Variants in NNMT observed in about 807,000 individuals in gnomAD.
NNMT encodes nicotinamide N-methyltransferase.
NNMT carries 10 observed loss-of-function variants against 11.7 expected under a neutral mutation model. The ratio of observed to expected loss-of-function variants is 0.85; its 90% confidence interval spans 0.53 to 1.45. The LOEUF is 1.45. Among genes scored for constraint, NNMT ranks in the 40% most tolerant of loss-of-function variants. The pLI is 0.00. For missense variants in NNMT, 381 were observed against 319.4 expected (o/e 1.19, Z -1.47); for synonymous variants, 143 against 133.8 (o/e 1.07, Z -0.48).
At chr11:114,259,711 A>T (rs942799229) in intron 1 of NNMT, among the ~76,000 whole-genome samples, 5 of 151,650 alleles carry the variant, frequency 3.3e-5, no homozygotes, top group African/African-American at 1.2e-4. Context: ...GAACTCGCTC[A>T]TTTAAACCTG....
chr11:114,283,508 A>T (rs1945276643), intron 2 of NNMT, among the ~76,000 whole-genome samples: 1 of 152,226 alleles, frequency 6.6e-6, no homozygotes, highest in African/African-American at 2.4e-5. Flanking sequence ...GAGAGTGGAA[A>T]ATAAAAGGGG....
intron 2 of NNMT, among the ~76,000 whole-genome samples, chr11:114,279,821 G>A (rs1282512038): frequency 1.3e-5 from 2 of 152,224 alleles, no homozygotes; most frequent in Non-Finnish European, 2.9e-5. Flanking sequence ...GCAGTTTATA[G>A]GAGGTGAGAG....
chr11:114,268,793 T>G (rs61904708), intron 2 of NNMT, among the ~76,000 whole-genome samples: 10 of 131,272 alleles, frequency 7.6e-5, no homozygotes, highest in Non-Finnish European at 1.4e-4. Context: ...AAAAAAAAAC[T>G]GAAACAGCTG....
intron 2 of NNMT, among the ~76,000 whole-genome samples, chr11:114,284,904 G>A (rs879652060): frequency 6.6e-6 from 1 of 151,570 alleles, no homozygotes; most frequent in African/African-American, 2.4e-5. Context: ...CAAGTAGCTG[G>A]GATTACAGGT....
At chr11:114,262,731 A>C (rs372203679) in intron 1 of NNMT, 3 of 152,336 alleles carry the variant, frequency 2.0e-5, no homozygotes, top group African/African-American at 7.2e-5. Flanking sequence ...CTAGGACTCT[A>C]CTATAGAGCC....
At chr11:114,270,721 T>C (rs1290727323) in intron 2 of NNMT, among the ~76,000 whole-genome samples, 1 of 152,164 alleles carries the variant, frequency 6.6e-6, no homozygotes, top group Non-Finnish European at 1.5e-5. Flanking sequence ...CTGATAAGGA[T>C]AGCAATCCTA....
intron 2 of NNMT, among the ~76,000 whole-genome samples, chr11:114,281,505 T>C (rs1284395385): frequency 1.3e-5 from 2 of 152,054 alleles, no homozygotes; most frequent in Non-Finnish European, 2.9e-5. Context: ...AAGCTGACTA[T>C]TAAAGATAAA....
rs1487969138 is a variant in NNMT, at chr11:114,298,132, C to G, written c.336C>G (p.Thr112=). 1.9e-6 allele frequency: 3 copies of G among 1,614,116 alleles called. No individual in the cohort carries two copies. The Middle Eastern group carries it at 4.9e-4, about 266-fold the overall frequency. The change falls in exon 2 of 3, where the codon ACC becomes ACG. Residue 112 remains threonine, a synonymous_variant. Transcript: ENST00000299964. ...PEAFDWSPVV[T]YVCDLEGNRV... is the part of the protein sequence containing the mutation. ...CCTTTGACTGGTCCCCAGTGGTGACCTATGTGTGTGATCTTGAAGGGAACA... is the reference window on the plus strand; with the variant it reads ...CCTTTGACTGGTCCCCAGTGGTGACGTATGTGTGTGATCTTGAAGGGAACA...
chr11:114,271,814 A>C (rs1051573821), intron 2 of NNMT, among the ~76,000 whole-genome samples: 1 of 152,190 alleles, frequency 6.6e-6, no homozygotes. Context: ...GGGGGTTCAC[A>C]GGAGATTTTG....
intron 2 of NNMT, among the ~76,000 whole-genome samples, chr11:114,287,683 C>T (rs1486574693): frequency 6.6e-6 from 1 of 152,144 alleles, no homozygotes; most frequent in Non-Finnish European, 1.5e-5. Flanking sequence ...AGCAAGTCCT[C>T]CCACCTTATT....
chr11:114,269,921 T>A (rs1474680605), intron 2 of NNMT, among the ~76,000 whole-genome samples: 1 of 152,136 alleles, frequency 6.6e-6, no homozygotes, highest in African/African-American at 2.4e-5. Flanking sequence ...TATAATTAAT[T>A]AAGGTCATAG....
At chr11:114,301,108 A>T (rs1425861457) in intron 2 of NNMT, among the ~76,000 whole-genome samples, 2 of 152,214 alleles carry the variant, frequency 1.3e-5, no homozygotes, top group Non-Finnish European at 2.9e-5. Context: ...CCAAATGCTG[A>T]TGAGGCTGTG....
chr11:114,308,879 T>G (rs1057240874), intron 2 of NNMT, among the ~76,000 whole-genome samples: 1 of 152,160 alleles, frequency 6.6e-6, no homozygotes, highest in Non-Finnish European at 1.5e-5. Context: ...TTCTAGCAAA[T>G]TTCCCTCTCA....
At chr11:114,280,086 C>T (rs1209735705) in intron 2 of NNMT, among the ~76,000 whole-genome samples, 1 of 152,164 alleles carries the variant, frequency 6.6e-6, no homozygotes, top group African/African-American at 2.4e-5. Context: ...TGCTATGTGC[C>T]AAGCCCCATT....
At chr11:114,287,173 T>C (rs1421315834) in intron 2 of NNMT, among the ~76,000 whole-genome samples, 1 of 152,196 alleles carries the variant, frequency 6.6e-6, no homozygotes, top group African/African-American at 2.4e-5. Context: ...TGTTGTAGTA[T>C]CTTTTCCCTC....
chr11:114,287,724 C>T (rs1591832540), intron 2 of NNMT, among the ~76,000 whole-genome samples: 3 of 152,258 alleles, frequency 2.0e-5, no homozygotes, highest in African/African-American at 2.4e-5. Flanking sequence ...ACTCTTGGCC[C>T]TTGGCACTGT....
At chr11:114,297,797 G>A (rs1221052393) in intron 1 of NNMT, among the ~76,000 whole-genome samples, 154 bp from the exon 2 acceptor site, 1 of 152,106 alleles carries the variant, frequency 6.6e-6, no homozygotes, top group Non-Finnish European at 1.5e-5. Flanking sequence ...CAGAAAAGAT[G>A]TTTTAAAAAA....
intron 2 of NNMT, among the ~76,000 whole-genome samples, chr11:114,270,026 A>G (rs1945157770): frequency 2.0e-5 from 3 of 152,082 alleles, no homozygotes; most frequent in Admixed American, 2.0e-4. Context: ...TTTGGTCCAA[A>G]AATGTTTAAG....
intron 2 of NNMT, among the ~76,000 whole-genome samples, chr11:114,302,912 T>C (rs1047370964): frequency 6.6e-6 from 1 of 152,122 alleles, no homozygotes; most frequent in Non-Finnish European, 1.5e-5. Context: ...AAAGGTACAA[T>C]GAGAAGTCAG....
Sources: gnomAD v4.1 joint callset for allele counts (sites outside exome capture counted in the v4.1 genomes callset) on GRCh38, gnomAD v4.1.1 for gene constraint, MANE v1.5 for transcripts, NCBI Gene and HGNC (gene_info 2026-07-23, HGNC 2026-07-21) for gene names.